THADA: variants seen among roughly 807,000 people sequenced by gnomAD.
THADA encodes the protein tRNA (32-2'-O)-methyltransferase regulator THADA.
A neutral mutation model predicts 219.8 loss-of-function variants in THADA; 213 were observed. The observed-to-expected ratio is 0.97, with a 90% CI of 0.87 to 1.09. THADA has a LOEUF of 1.09. THADA is among the 50% of genes least tolerant of loss of function. The pLI is 0.00. For synonymous variants in THADA, 1,018 were observed against 828.9 expected, an observed-to-expected ratio of 1.23 and a Z score of -3.92; for missense variants, 2,956 against 2,311.3, an observed-to-expected ratio of 1.28 and a Z score of -5.72.
At chr2:43,521,636 G>A (rs1692502795) in intron 22 of THADA, among the ~76,000 whole-genome samples, 1 of 152,250 alleles carries the variant, frequency 6.6e-6, no homozygotes, top group African/African-American at 2.4e-5. Context: ...AGTAACAGAA[G>A]TGAACAGGCC....
At chr2:43,345,303 T>C (rs1246966168) in intron 29 of THADA, among the ~76,000 whole-genome samples, 1 of 152,146 alleles carries the variant, frequency 6.6e-6, no homozygotes, top group Non-Finnish European at 1.5e-5. Flanking sequence ...ATAAAATCAA[T>C]CCAGAGTCAT....
At chr2:43,280,174 GAC>G (rs1673178596) in intron 35 of THADA, among the ~76,000 whole-genome samples, 1 of 152,212 alleles carries the variant, frequency 6.6e-6, no homozygotes, top group Non-Finnish European at 1.5e-5. Flanking sequence ...CTGCCCAGGT[GAC>G]AAAGACCCTC....
chr2:43,475,808 CT>C (rs1685465067), intron 26 of THADA, among the ~76,000 whole-genome samples: 2 of 152,156 alleles, frequency 1.3e-5, no homozygotes, highest in Admixed American at 1.3e-4. Flanking sequence ...TACTTCACAT[CT>C]TTTAATAATT....
chr2:43,327,525 G>A (rs1052240515), intron 30 of THADA, among the ~76,000 whole-genome samples: 1 of 152,082 alleles, frequency 6.6e-6, no homozygotes, highest in Admixed American at 6.6e-5. Flanking sequence ...TTGAAAAAGG[G>A]GAAATTAGTC....
At chr2:43,582,955 C>A (rs143913551) in intron 7 of THADA, among the ~76,000 whole-genome samples, 1 of 152,160 alleles carries the variant, frequency 6.6e-6, no homozygotes, top group Non-Finnish European at 1.5e-5. Context: ...CTAATTCATC[C>A]TCTTCTCCCT....
intron 17 of THADA, among the ~76,000 whole-genome samples, chr2:43,553,106 T>C (rs1394793755): frequency 1.3e-5 from 2 of 152,228 alleles, no homozygotes; most frequent in Non-Finnish European, 2.9e-5. Flanking sequence ...GCTCACTGTA[T>C]AGCCATACCA....
intron 26 of THADA, among the ~76,000 whole-genome samples, chr2:43,437,029 A>C (rs898041519): frequency 6.6e-6 from 1 of 152,202 alleles, no homozygotes; most frequent in Non-Finnish European, 1.5e-5. Context: ...TATTCACAGA[A>C]GCTTCCCAGA....
intron 30 of THADA, among the ~76,000 whole-genome samples, chr2:43,330,133 A>C (rs540905053): frequency 2.6e-5 from 4 of 152,160 alleles, no homozygotes; most frequent in Non-Finnish European, 5.9e-5. Flanking sequence ...CCTCAATGGC[A>C]CTGCACTGTG....
chr2:43,536,359 T>C (rs1202910128), intron 21 of THADA, among the ~76,000 whole-genome samples: 3 of 152,222 alleles, frequency 2.0e-5, no homozygotes, highest in South Asian at 4.1e-4. Context: ...GTTTGTAGTA[T>C]ATTTTGAAGT....
rs748390895 is a variant in THADA at position 43,270,369 on chromosome 2, T to A, written c.5296+9396A>T. Reference sequence around the variant, plus strand: ...CAGAGGACCACCTGCCGCCTCTTGCTGCATCTGCCCTCTATTCCCTTTCCC... The same window carrying A: ...CAGAGGACCACCTGCCGCCTCTTGCAGCATCTGCCCTCTATTCCCTTTCCC... On this transcript the variant is annotated intron_variant, in intron 36 of 37. Coordinates refer to ENST00000405975, the MANE Select transcript of THADA (RefSeq NM_022065.5). Among the ~76,000 whole-genome samples, 3 of 152,192 alleles carry A rather than the reference T, an allele frequency of 2.0e-5. 1 individual carries two copies. Among genetic ancestry groups the A allele is most frequent in the Non-Finnish European group, 4.4e-5 (3 of 68,024 alleles).
At chr2:43,418,929 C>T (rs1003295734) in intron 28 of THADA, among the ~76,000 whole-genome samples, 7 of 152,148 alleles carry the variant, frequency 4.6e-5, no homozygotes, top group African/African-American at 1.7e-4. Context: ...GAGGTCACTC[C>T]TATTTGTTGG....
chr2:43,427,679 G>A (rs955208198), intron 28 of THADA, among the ~76,000 whole-genome samples: 6 of 149,074 alleles, frequency 4.0e-5, no homozygotes, highest in Middle Eastern at 3.6e-3. Context: ...TAATATGGCC[G>A]GGCGCGGTGG....
intron 22 of THADA, among the ~76,000 whole-genome samples, chr2:43,514,998 TA>T (rs1398889915): frequency 2.9e-4 from 16 of 55,870 alleles, no homozygotes; most frequent in Admixed American, 6.6e-4. Flanking sequence ...ATATAATATA[TA>T]ATATTATATA....
intron 28 of THADA, among the ~76,000 whole-genome samples, chr2:43,418,391 T>G (rs1395085235): frequency 6.6e-6 from 1 of 152,232 alleles, no homozygotes; most frequent in Non-Finnish European, 1.5e-5. Flanking sequence ...TGGGTATGCA[T>G]GAACACAGTC....
At chr2:43,327,583 T>A (rs1488207040) in intron 30 of THADA, among the ~76,000 whole-genome samples, 1 of 152,108 alleles carries the variant, frequency 6.6e-6, no homozygotes, top group Non-Finnish European at 1.5e-5. Context: ...TTGACACATA[T>A]CTACCCGCCT....
chr2:43,438,176 C>G (rs1680363391), intron 26 of THADA, among the ~76,000 whole-genome samples: 1 of 151,860 alleles, frequency 6.6e-6, no homozygotes, highest in African/African-American at 2.4e-5. Flanking sequence ...GTGGCGGGCG[C>G]CTGTAGTCCC....
intron 30 of THADA, 147 bp from the exon 31 acceptor site, chr2:43,320,687 T>C: frequency 1.8e-6 from 1 of 569,746 alleles, no homozygotes. Context: ...CAATCATTGA[T>C]GGCAAGAAAA....
intron 26 of THADA, among the ~76,000 whole-genome samples, chr2:43,450,637 A>G (rs1041412801): frequency 5.3e-4 from 80 of 152,216 alleles, no homozygotes; most frequent in African/African-American, 1.9e-3. Context: ...ATTAGTAACT[A>G]CTTTAAATGT....
chr2:43,310,486 G>A (rs1677383523), intron 31 of THADA, among the ~76,000 whole-genome samples: 1 of 152,126 alleles, frequency 6.6e-6, no homozygotes, highest in Non-Finnish European at 1.5e-5. Flanking sequence ...ACAATTCAAT[G>A]GGGAAAGGAT....
Sources: allele counts gnomAD v4.1 joint callset (sites outside exome capture counted in the v4.1 genomes callset), GRCh38; gene constraint gnomAD v4.1.1; transcripts MANE v1.5; gene names NCBI Gene and HGNC (gene_info 2026-07-23, HGNC 2026-07-21).